Variants in AP4S1 observed in about 807,000 individuals in gnomAD.
AP4S1 encodes adaptor related protein complex 4 subunit sigma 1.
In AP4S1, 23 loss-of-function variants were observed where a neutral mutation model predicts 19.8. That is an observed-to-expected ratio of 1.16 (90% CI 0.84 to 1.65). The LOEUF (loss-of-function observed/expected upper bound fraction) is 1.65, where lower values mean the gene tolerates loss of function less well. AP4S1 is among the 40% of genes most tolerant of loss of function. The pLI is 0.00. For synonymous variants in AP4S1, 46 were observed against 54.1 expected, an observed-to-expected ratio of 0.85 and a Z score of 0.66; for missense variants, 166 against 172.8, an observed-to-expected ratio of 0.96 and a Z score of 0.22.
At chr14:31,066,428 C>A in intron 2 of AP4S1, 94 bp downstream of exon 2, 2 of 1,510,064 alleles carry the variant, frequency 1.3e-6, no homozygotes, top group Non-Finnish European at 1.8e-6. Context: ...TTTCTTTGAG[C>A]TATATTCCTT....
At chr14:31,082,399 A>T (rs1449302064) in intron 5 of AP4S1, among the ~76,000 whole-genome samples, 5 of 152,246 alleles carry the variant, frequency 3.3e-5, no homozygotes, top group African/African-American at 4.8e-5. Context: ...AAAGCAATTC[A>T]AAATAAATCT....
At chr14:31,085,092 GC>G in intron 5 of AP4S1, 1 of 1,384,954 alleles carries the variant, frequency 7.2e-7, no homozygotes, top group Admixed American at 3.0e-5. Context: ...ACAGCCAGGG[GC>G]TCCTCGGGCC....
At chr14:31,092,308 TGAG>T (rs1888097531) in intron 5 of AP4S1, among the ~76,000 whole-genome samples, 1 of 152,164 alleles carries the variant, frequency 6.6e-6, no homozygotes, top group Admixed American at 6.6e-5. Context: ...GTTTGGGGGC[TGAG>T]GAGGGAGGTG....
At chr14:31,073,481 C>T (rs1269021011) in intron 4 of AP4S1, among the ~76,000 whole-genome samples, 4 of 148,650 alleles carry the variant, frequency 2.7e-5, no homozygotes, top group Non-Finnish European at 6.0e-5. Flanking sequence ...CAGAGCGAGA[C>T]TCCGTCTCAG....
intron 1 of AP4S1, among the ~76,000 whole-genome samples, chr14:31,065,512 T>C (rs1239013152): frequency 6.6e-6 from 1 of 152,226 alleles, no homozygotes; most frequent in Admixed American, 6.5e-5. Context: ...CTTCACATTC[T>C]TCTGGTGCTT....
intron 1 of AP4S1, among the ~76,000 whole-genome samples, chr14:31,059,285 A>C (rs1886301308): frequency 6.6e-6 from 1 of 152,182 alleles, no homozygotes; most frequent in African/African-American, 2.4e-5. Flanking sequence ...AATGAATATC[A>C]ATTCAACATG....
chr14:31,070,006 A>C, intron 3 of AP4S1, 77 bp downstream of exon 3: 1 of 1,292,708 alleles, frequency 7.7e-7, no homozygotes, highest in Non-Finnish European at 1.1e-6. Context: ...GACTCTCTTG[A>C]TTTTTTTTAG....
At chr14:31,050,570 A>C (rs532172115) in intron 1 of AP4S1, among the ~76,000 whole-genome samples, 1 of 152,140 alleles carries the variant, frequency 6.6e-6, no homozygotes, top group African/African-American at 2.4e-5. Flanking sequence ...TCAGCCTCCC[A>C]AGTATCTGGG....
intron 1 of AP4S1, among the ~76,000 whole-genome samples, chr14:31,064,621 C>G (rs1886617081): frequency 1.3e-5 from 2 of 152,130 alleles, no homozygotes; most frequent in South Asian, 4.1e-4. Context: ...CGCGCCTGAC[C>G]AAGTGTCTTT....
At chr14:31,034,854 C>T (rs1055771132) in intron 1 of AP4S1, among the ~76,000 whole-genome samples, 1 of 150,212 alleles carries the variant, frequency 6.7e-6, no homozygotes, top group Non-Finnish European at 1.5e-5. Context: ...CTCAAACTCC[C>T]GACCTCAGGT....
At chr14:31,057,750 C>T (rs2139528587) in intron 1 of AP4S1, among the ~76,000 whole-genome samples, 1 of 152,096 alleles carries the variant, frequency 6.6e-6, no homozygotes, top group Admixed American at 6.6e-5. Flanking sequence ...CTTAGCCTCT[C>T]AAGTAGCTAT....
intron 1 of AP4S1, among the ~76,000 whole-genome samples, chr14:31,039,796 A>G (rs2139444738): frequency 6.6e-6 from 1 of 150,972 alleles, no homozygotes; most frequent in South Asian, 2.1e-4. Flanking sequence ...TCACCGTGTT[A>G]GCCAGGATGG....
intron 1 of AP4S1, among the ~76,000 whole-genome samples, chr14:31,058,345 C>T (rs138933710): frequency 4.6e-5 from 7 of 152,248 alleles, no homozygotes; most frequent in Admixed American, 2.6e-4. Context: ...CTTTTCCTCT[C>T]GGGGTTTTCT....
chr14:31,074,705 C>T (rs1887261553), intron 4 of AP4S1, among the ~76,000 whole-genome samples: 1 of 151,968 alleles, frequency 6.6e-6, no homozygotes. Flanking sequence ...AGTGTATAAT[C>T]AAGCTGGGTG....
rs909504634 is a variant in AP4S1 at position 31,040,484 on chromosome 14, A to T, written c.-72+14697A>T. On this transcript the variant is annotated intron_variant, in intron 1 of 5. Coordinates refer to ENST00000542754, the MANE Select transcript of AP4S1 (RefSeq NM_001128126.3). ...TTCCTTTGGTTTGATTTGAACTTAA[A>T]ATCTGTAACATTGCACTCGACCTTA... is the stretch of plus-strand genomic sequence containing the variant. Among the ~76,000 whole-genome samples, 7 of 152,184 alleles carry T rather than the reference A, an allele frequency of 4.6e-5. No homozygotes were observed. The East Asian group carries it at 1.3e-3, about 29-fold the overall frequency.
intron 5 of AP4S1, among the ~76,000 whole-genome samples, chr14:31,088,347 A>G (rs1407190706): frequency 1.3e-5 from 2 of 152,182 alleles, no homozygotes; most frequent in Non-Finnish European, 2.9e-5. Context: ...AGTTATGAGA[A>G]GCAAGAGAGA....
In AP4S1 at chr14:31,095,690, A is replaced by AT. The variant is rs1888183140; in HGVS notation, c.*2657dup. Reference sequence around the variant, plus strand: ...TGCCTTCGCCTTCCAAAGTGTTGGGATTACAGGCCTGAGCCACTGTGCCCA... The same window carrying AT: ...TGCCTTCGCCTTCCAAAGTGTTGGGATTTACAGGCCTGAGCCACTGTGCCCA... On this transcript the variant is annotated 3_prime_UTR_variant, in exon 6 of 6. Coordinates refer to ENST00000542754, the MANE Select transcript of AP4S1 (RefSeq NM_001128126.3). 1 of 152,244 alleles carries AT rather than the reference A, an allele frequency of 6.6e-6. No individual in the cohort carries two copies. The highest frequency in any genetic ancestry group is 1.5e-5 in the Non-Finnish European group (1 of 68,072). 9.4% of individuals were successfully genotyped at this position (152,244 alleles called of 1,614,324 possible). A position where few individuals can be genotyped will look rare whatever the true frequency, so the allele number is the denominator to read the frequency against.
intron 4 of AP4S1, among the ~76,000 whole-genome samples, chr14:31,079,574 C>T (rs1271874800): frequency 2.6e-5 from 4 of 152,072 alleles, no homozygotes; most frequent in African/African-American, 7.2e-5. Flanking sequence ...CCTGTAATCC[C>T]AGCACTTAGG....
rs192625691 is a variant in AP4S1, at chr14:31,042,991, C to G, written c.-72+17204C>G. On this transcript the variant is annotated intron_variant, in intron 1 of 5. Transcript: ENST00000542754. Reference sequence around the variant, plus strand: ...ATCCCAGCACTTTGGGAAGCCCAGGCGGGTGGATCACCTGAGGCCAGAAGC... The same window carrying G: ...ATCCCAGCACTTTGGGAAGCCCAGGGGGGTGGATCACCTGAGGCCAGAAGC... Among the ~76,000 whole-genome samples, 11 of 152,100 alleles carry G rather than the reference C, an allele frequency of 7.2e-5. 1 individual carries two copies. The highest frequency in any genetic ancestry group is 6.3e-3 in the Middle Eastern group (2 of 316).
Sources: allele counts gnomAD v4.1 joint callset (sites outside exome capture counted in the v4.1 genomes callset), GRCh38; gene constraint gnomAD v4.1.1; transcripts MANE v1.5; gene names NCBI Gene and HGNC (gene_info 2026-07-23, HGNC 2026-07-21).